FAM135A: variants seen among roughly 807,000 people sequenced by gnomAD.
The protein encoded by FAM135A is family with sequence similarity 135 member A, also known as protein FAM135A.
FAM135A carries 79 observed loss-of-function variants against 146.8 expected under a neutral mutation model. That is an observed-to-expected ratio of 0.54 (90% CI 0.45 to 0.65). The LOEUF (loss-of-function observed/expected upper bound fraction) is 0.65, where lower values mean the gene tolerates loss of function less well. Ranked by LOEUF, FAM135A falls within the 30% of genes least tolerant of loss-of-function variation. FAM135A has a pLI of 0.00. For missense variants in FAM135A, 1,623 were observed against 1,758.2 expected, an observed-to-expected ratio of 0.92 and a Z score of 1.38; for synonymous variants, 562 against 603.6, an observed-to-expected ratio of 0.93 and a Z score of 1.01.
intron 12 of FAM135A, among the ~76,000 whole-genome samples, chr6:70,519,311 A>G (rs1328900608): frequency 1.3e-5 from 2 of 152,228 alleles, no homozygotes; most frequent in Admixed American, 6.5e-5. Flanking sequence ...CTTCTTATGG[A>G]TGAACAGAGA....
At chr6:70,433,717 T>G (rs9446247) in intron 4 of FAM135A, among the ~76,000 whole-genome samples, 3,226 of 152,274 alleles carry the variant, frequency 0.021, 110 homozygotes, top group African/African-American at 0.074. Context: ...TAAACAACTC[T>G]TAGCTTTAAT....
At position 70,526,760 on chromosome 6, in the gene FAM135A, CACACAT is replaced by C. The variant is rs1299366997; in HGVS notation, c.3614+68_3614+73del. On this transcript the variant is annotated intron_variant, in intron 15 of 21. Coordinates refer to ENST00000418814, the MANE Select transcript of FAM135A (RefSeq NM_001162529.3). ...ATATACATATATATATACACACACACACACATACACACACACACACACACACACACA... is the reference window on the plus strand; with the variant it reads ...ATATACATATATATATACACACACACACACACACACACACACACACACACA... 49 of 653,254 alleles carry C rather than the reference CACACAT, an allele frequency of 7.5e-5. No homozygotes were observed. In the African/African-American group the frequency reaches 9.7e-4, roughly 13 times the overall value. 40.5% of individuals were successfully genotyped at this position (653,254 alleles called of 1,614,324 possible).
chr6:70,473,963 T>C (rs1476407929), intron 5 of FAM135A, among the ~76,000 whole-genome samples: 1 of 152,182 alleles, frequency 6.6e-6, no homozygotes, highest in Non-Finnish European at 1.5e-5. Flanking sequence ...GGTTGCCCTG[T>C]TCATCCTGCT....
intron 20 of FAM135A, among the ~76,000 whole-genome samples, chr6:70,539,523 G>A (rs1017574483): frequency 2.0e-5 from 3 of 152,130 alleles, no homozygotes; most frequent in African/African-American, 4.8e-5. Context: ...TCAGTTCGTC[G>A]TTTACTAAGT....
At chr6:70,527,635 C>T (rs1795016544) in intron 15 of FAM135A, among the ~76,000 whole-genome samples, 1 of 152,096 alleles carries the variant, frequency 6.6e-6, no homozygotes, top group South Asian at 2.1e-4. Flanking sequence ...CCTCTTCCAG[C>T]TTCACTTTAT....
chr6:70,501,765 C>T (rs1200267961), intron 11 of FAM135A, among the ~76,000 whole-genome samples: 3 of 152,158 alleles, frequency 2.0e-5, no homozygotes, highest in Non-Finnish European at 4.4e-5. Context: ...CCCCACCCTG[C>T]TTCTACTCAC....
In FAM135A at chr6:70,525,514, A is replaced by G. The variant is rs9455143; in HGVS notation, c.2430A>G (p.Lys810=). The change falls in exon 15 of 22, where the codon AAA becomes AAG. Residue 810 remains lysine (K), a synonymous_variant. Transcript: ENST00000418814. Reference sequence around the variant, plus strand: ...GATTATTTCCTCAGCTTTTGATGAAACCTGATTATAATGTAAAATTTTCAT... The same window carrying G: ...GATTATTTCCTCAGCTTTTGATGAAGCCTGATTATAATGTAAAATTTTCAT... The part of the protein sequence containing the change: ...SERLFPQLLM[K]PDYNVKFSLG... 4.1e-3 allele frequency: 6,569 copies of G among 1,612,478 alleles called. 231 individuals are homozygous for G. The African/African-American group carries it at 0.077, about 19-fold the overall frequency.
chr6:70,539,848 T>C (rs1207578251), intron 20 of FAM135A, among the ~76,000 whole-genome samples: 1 of 151,700 alleles, frequency 6.6e-6, no homozygotes, highest in Non-Finnish European at 1.5e-5. Context: ...ACAAAAAAAT[T>C]AGCCAGGCGT....
rs574201550 is a variant in FAM135A at position 70,417,924 on chromosome 6, T to C, written c.-134+2548T>C. 2.0e-5 allele frequency among the ~76,000 whole-genome samples: 3 copies of C among 152,344 alleles called. No individual in the cohort carries two copies. The South Asian group carries it at 6.2e-4, about 32-fold the overall frequency. On this transcript the variant is annotated intron_variant, in intron 2 of 21. Transcript: ENST00000418814. ...GAGAAACATATAGCTTTTTAAAACA[T>C]AGTTTGTCTTATATTCTAAAAAGCG...
chr6:70,465,651 A>G (rs1421666410), intron 5 of FAM135A, among the ~76,000 whole-genome samples: 1 of 152,246 alleles, frequency 6.6e-6, no homozygotes, highest in South Asian at 2.1e-4. Context: ...AAGTGCTAAG[A>G]TAACAGGCGT....
chr6:70,427,807 T>C (rs1770544759), intron 3 of FAM135A, among the ~76,000 whole-genome samples: 2 of 152,210 alleles, frequency 1.3e-5, no homozygotes, highest in South Asian at 4.1e-4. Context: ...AAAAAATCTC[T>C]TTCTCTTTAA....
chr6:70,445,883 T>G (rs906592564), intron 4 of FAM135A, among the ~76,000 whole-genome samples: 2 of 152,214 alleles, frequency 1.3e-5, no homozygotes, highest in Admixed American at 6.5e-5. Flanking sequence ...CCCCCTTATT[T>G]GATTTGCAAA....
intron 4 of FAM135A, among the ~76,000 whole-genome samples, chr6:70,436,319 T>C (rs916152224): frequency 6.6e-6 from 1 of 152,148 alleles, no homozygotes; most frequent in Non-Finnish European, 1.5e-5. Flanking sequence ...CAGTAAGATA[T>C]AAGGACTGAG....
At chr6:70,466,139 T>G (rs537921678) in intron 5 of FAM135A, among the ~76,000 whole-genome samples, 31 of 152,312 alleles carry the variant, frequency 2.0e-4, no homozygotes, top group Admixed American at 3.9e-4. Flanking sequence ...AAAGCAGCTA[T>G]ATAGTGAATG....
At chr6:70,478,791 C>T (rs988227864) in intron 8 of FAM135A, among the ~76,000 whole-genome samples, 1 of 151,996 alleles carries the variant, frequency 6.6e-6, no homozygotes, top group African/African-American at 2.4e-5. Context: ...TTTGAGAGGT[C>T]GTGCTAAGTT....
chr6:70,474,524 A>G (rs2128151201), intron 5 of FAM135A, among the ~76,000 whole-genome samples: 1 of 152,310 alleles, frequency 6.6e-6, no homozygotes, highest in South Asian at 2.1e-4. Flanking sequence ...ATGTTTGATA[A>G]TTCAGTAGAA....
chr6:70,499,259 G>T (rs369825169), intron 11 of FAM135A, among the ~76,000 whole-genome samples: 1 of 151,988 alleles, frequency 6.6e-6, no homozygotes, highest in South Asian at 2.1e-4. Context: ...TATGTTTGTT[G>T]GTTTACAGTC....
At chr6:70,539,913 G>A (rs1241700556) in intron 20 of FAM135A, among the ~76,000 whole-genome samples, 2 of 152,094 alleles carry the variant, frequency 1.3e-5, no homozygotes, top group African/African-American at 2.4e-5. Context: ...GGAGAATGGC[G>A]TGAACCTGGG....
At chr6:70,556,725 A>C (rs1208473) in intron 20 of FAM135A, 25 bp from the exon 21 acceptor site, 1 of 1,455,278 alleles carries the variant, frequency 6.9e-7, no homozygotes, top group East Asian at 2.3e-5. Flanking sequence ...CTACTGCATT[A>C]TAATTTATTA....
Sources: gnomAD v4.1 joint callset for allele counts (sites outside exome capture counted in the v4.1 genomes callset) on GRCh38, gnomAD v4.1.1 for gene constraint, MANE v1.5 for transcripts, NCBI Gene and HGNC (gene_info 2026-07-23, HGNC 2026-07-21) for gene names.